The following CSGALNACT1 variants were observed in gnomAD, a reference collection of about 807,000 sequenced individuals.
CSGALNACT1 encodes chondroitin sulfate N-acetylgalactosaminyltransferase 1.
In CSGALNACT1, 52 loss-of-function variants were observed where a neutral mutation model predicts 51.0. That is an observed-to-expected ratio of 1.02 (90% CI 0.82 to 1.29). The LOEUF is 1.29. Ranked by LOEUF, CSGALNACT1 falls within the 50% of genes most tolerant of loss-of-function variation. The probability of loss-of-function intolerance (pLI) is 0.00; values close to 1 mark genes in which losing one functional copy is unlikely to be tolerated. For synonymous variants in CSGALNACT1, 341 were observed against 254.4 expected (o/e 1.34, Z -3.24); for missense variants, 935 against 679.2 (o/e 1.38, Z -4.19).
At position 19,690,074 on chromosome 8, in the gene CSGALNACT1, A is replaced by G. The variant is rs200765843; in HGVS notation, c.-297+67776T>C. On this transcript the variant is annotated intron_variant, in intron 1 of 1. Coordinates refer to the CSGALNACT1 transcript ENST00000517494. Reference sequence around the variant, plus strand: ...TTTAACAGGACTCAACAAATAAAACACTATATTGTAGAGACAACTGCAGGT... The same window carrying G: ...TTTAACAGGACTCAACAAATAAAACGCTATATTGTAGAGACAACTGCAGGT... 4.6e-5 allele frequency among the ~76,000 whole-genome samples: 7 copies of G among 152,344 alleles called. No homozygotes were observed. In the East Asian group the frequency reaches 9.6e-4, roughly 21 times the overall value.
intron 4 of CSGALNACT1, among the ~76,000 whole-genome samples, chr8:19,483,385 C>T (rs1446659011): frequency 6.6e-6 from 1 of 152,218 alleles, no homozygotes; most frequent in Non-Finnish European, 1.5e-5. Context: ...TTCATCTCAA[C>T]ATGCCCTGAC....
intron 3 of CSGALNACT1, among the ~76,000 whole-genome samples, chr8:19,577,551 C>T (rs2044543471): frequency 1.0e-5 from 1 of 95,448 alleles, no homozygotes; most frequent in Non-Finnish European, 2.1e-5. Context: ...ACAGCAAGAC[C>T]CTATCTCAAA....
At chr8:19,635,086 G>C (rs1405924780) in intron 1 of CSGALNACT1, among the ~76,000 whole-genome samples, 3 of 152,162 alleles carry the variant, frequency 2.0e-5, no homozygotes, top group East Asian at 3.9e-4. Flanking sequence ...AGTGGTTATG[G>C]TCCTTTGCTT....
intron 5 of CSGALNACT1, among the ~76,000 whole-genome samples, chr8:19,455,265 A>G (rs1253153783): frequency 6.6e-6 from 1 of 152,244 alleles, no homozygotes; most frequent in Non-Finnish European, 1.5e-5. Context: ...ATCTTTAAAC[A>G]AAATATAAAA....
intron 1 of CSGALNACT1, among the ~76,000 whole-genome samples, chr8:19,711,375 T>C (rs1238982073): frequency 6.6e-6 from 1 of 151,846 alleles, no homozygotes; most frequent in Non-Finnish European, 1.5e-5. Context: ...AGGAAGAGAG[T>C]GTAACAAGTT....
At chr8:19,581,832 C>T (rs1039924015) in intron 3 of CSGALNACT1, among the ~76,000 whole-genome samples, 1 of 152,168 alleles carries the variant, frequency 6.6e-6, no homozygotes, top group African/African-American at 2.4e-5. Context: ...AGTCTCTTAA[C>T]ATGTAGACGG....
upstream of CSGALNACT1, chr8:19,682,584 A>G (rs1245416620): frequency 7.1e-5 from 32 of 453,232 alleles, no homozygotes; most frequent in Non-Finnish European, 9.3e-5. Flanking sequence ...ACCTAAGGAG[A>G]GCACTCACTG....
At chr8:19,610,712 T>C (rs983027841) in intron 1 of CSGALNACT1, among the ~76,000 whole-genome samples, 1 of 152,204 alleles carries the variant, frequency 6.6e-6, no homozygotes, top group African/African-American at 2.4e-5. Flanking sequence ...CTTCTGACTT[T>C]CGCTGAGCTA....
At chr8:19,653,965 C>T (rs1358946488) in intron 1 of CSGALNACT1, among the ~76,000 whole-genome samples, 1 of 152,124 alleles carries the variant, frequency 6.6e-6, no homozygotes, top group Non-Finnish European at 1.5e-5. Context: ...CCCTTCCTTG[C>T]AAGGAAACCA....
chr8:19,452,431 AGC>A lies in CSGALNACT1; in HGVS notation c.851+5993_851+5994del, dbSNP rs2063342212. Among the ~76,000 whole-genome samples, 17 of 130,812 alleles carry A rather than the reference AGC, an allele frequency of 1.3e-4. 1 individual carries two copies. The South Asian group carries it at 3.3e-3, about 25-fold the overall frequency. The allele number at this position is 130,812 out of a possible 152,430, so 85.8% of individuals were successfully genotyped here. Reference sequence around the variant, plus strand: ...TAACCCCTGGGGGAAAAAAAAAAAAAGCAGGGAAGGGGAGATTTGACATAAGC... The same window carrying A: ...TAACCCCTGGGGGAAAAAAAAAAAAAAGGGAAGGGGAGATTTGACATAAGC... On this transcript the variant is annotated intron_variant, in intron 5 of 9. Transcript: ENST00000454498.
chr8:19,541,934 C>T (rs2085276805), intron 3 of CSGALNACT1, among the ~76,000 whole-genome samples: 1 of 152,030 alleles, frequency 6.6e-6, no homozygotes, highest in Admixed American at 6.6e-5. Flanking sequence ...ATTTGAATCT[C>T]ATAACATTTC....
chr8:19,408,611 A>G lies in CSGALNACT1; in HGVS notation c.1309+2T>C. On this transcript the variant is annotated splice_donor_variant, in intron 9 of 9. Coordinates refer to ENST00000454498, the Ensembl canonical transcript of CSGALNACT1. LOFTEE classifies it high-confidence loss of function. ...GGCAGTAGAGATGCAGATTTGTCCT[A>G]CCTATATTGATGAAGTCTGACCGAT... 1 of 1,611,354 alleles carries G rather than the reference A, an allele frequency of 6.2e-7. No homozygotes were observed. Among genetic ancestry groups the G allele is most frequent in the Non-Finnish European group, 8.5e-7 (1 of 1,179,618 alleles).
At chr8:19,484,873 C>T (rs1049946349) in intron 4 of CSGALNACT1, among the ~76,000 whole-genome samples, 4 of 152,136 alleles carry the variant, frequency 2.6e-5, no homozygotes, top group South Asian at 4.2e-4. Context: ...AGGAGAGACA[C>T]CAGAGACGTG....
At chr8:19,567,511 C>T (rs549067376) in intron 3 of CSGALNACT1, among the ~76,000 whole-genome samples, 4 of 152,326 alleles carry the variant, frequency 2.6e-5, no homozygotes, top group Admixed American at 1.3e-4. Flanking sequence ...TACAACAACT[C>T]TACCATAGAC....
rs139324227 is a variant in CSGALNACT1, at chr8:19,594,912, C to A, written c.-415-3634G>T. ...GACCTTTACTCCTTTTATATACCTA[C>A]CCTCCAGGCTTGGCCTAAGGTTGGC... On this transcript the variant is annotated intron_variant, in intron 2 of 9. Coordinates refer to ENST00000454498, the Ensembl canonical transcript of CSGALNACT1. 2.7e-3 allele frequency among the ~76,000 whole-genome samples: 406 copies of A among 152,172 alleles called. 2 individuals carry two copies. The highest frequency in any genetic ancestry group is 6.8e-3 in the Middle Eastern group (2 of 294).
chr8:19,666,833 G>A (rs1367620532), intron 1 of CSGALNACT1, among the ~76,000 whole-genome samples: 4 of 28,364 alleles, frequency 1.4e-4, no homozygotes, highest in African/African-American at 2.1e-4. Context: ...GAGAGAGAGA[G>A]AAAGAAAGAA....
chr8:19,536,833 A>C (rs2154064685), intron 3 of CSGALNACT1, among the ~76,000 whole-genome samples: 1 of 152,328 alleles, frequency 6.6e-6, no homozygotes, highest in South Asian at 2.1e-4. Flanking sequence ...ACAAAGTAGA[A>C]TAGAGAACCC....
chr8:19,503,923 A>G (rs912640422), intron 4 of CSGALNACT1, among the ~76,000 whole-genome samples: 5 of 152,198 alleles, frequency 3.3e-5, no homozygotes, highest in Non-Finnish European at 5.9e-5. Flanking sequence ...ATAAAAGAAG[A>G]AAGTGTCCAA....
chr8:19,504,700 G>A (rs1381511474), intron 4 of CSGALNACT1, among the ~76,000 whole-genome samples: 4 of 152,186 alleles, frequency 2.6e-5, no homozygotes, highest in South Asian at 2.1e-4. Flanking sequence ...TCCTGGTTCT[G>A]TCACTTGTTA....
Sources: allele counts gnomAD v4.1 joint callset (sites outside exome capture counted in the v4.1 genomes callset), GRCh38; gene constraint gnomAD v4.1.1; transcripts MANE v1.5; gene names NCBI Gene and HGNC (gene_info 2026-07-23, HGNC 2026-07-21).